The following KAT6A variants were observed in gnomAD, a reference collection of about 807,000 sequenced individuals.
KAT6A encodes lysine acetyltransferase 6A, also known as histone acetyltransferase KAT6A.
A neutral mutation model predicts 198.4 loss-of-function variants in KAT6A; 9 were observed. That is an observed-to-expected ratio of 0.05 (90% CI 0.03 to 0.08). KAT6A has a LOEUF of 0.08. Ranked by LOEUF, KAT6A falls within the 10% of genes least tolerant of loss-of-function variation. KAT6A has a pLI of 1.00. For synonymous variants in KAT6A, 890 were observed against 883.0 expected (o/e 1.01, Z -0.14); for missense variants, 2,077 against 2,509.9 (o/e 0.83, Z 3.69).
intron 5 of KAT6A, among the ~76,000 whole-genome samples, chr8:41,980,117 TAAG>T (rs1437316618): frequency 6.6e-6 from 1 of 152,210 alleles, no homozygotes; most frequent in East Asian, 1.9e-4. Flanking sequence ...GCATTTTACT[TAAG>T]AAGCCTATAA....
At chr8:42,034,477 T>C (rs984427612) in intron 2 of KAT6A, among the ~76,000 whole-genome samples, 2 of 152,184 alleles carry the variant, frequency 1.3e-5, no homozygotes, top group African/African-American at 4.8e-5. Flanking sequence ...AACTCATATA[T>C]ACTATATCGC....
chr8:42,023,844 AT>A (rs931887858), intron 2 of KAT6A, among the ~76,000 whole-genome samples: 1 of 149,508 alleles, frequency 6.7e-6, no homozygotes, highest in East Asian at 2.0e-4. Flanking sequence ...AAAAAAAAAA[AT>A]TTTCTTTTAC....
chr8:41,968,105 A>G (rs1823600915), intron 8 of KAT6A, among the ~76,000 whole-genome samples: 1 of 152,074 alleles, frequency 6.6e-6, no homozygotes. Flanking sequence ...AACGGCAACA[A>G]AAGCCAAAAT....
intron 9 of KAT6A, among the ~76,000 whole-genome samples, chr8:41,954,710 A>G (rs1822842638): frequency 6.6e-6 from 1 of 152,220 alleles, no homozygotes; most frequent in Non-Finnish European, 1.5e-5. Flanking sequence ...AAACTGAGGC[A>G]CAGAGCAGTT....
At position 42,048,819 on chromosome 8, in the gene KAT6A, C is replaced by T. The variant is rs772502053; in HGVS notation, c.159G>A (p.Leu53=). 4 of 1,614,144 alleles carry T rather than the reference C, an allele frequency of 2.5e-6. No homozygotes were observed. Among genetic ancestry groups the T allele is most frequent in the Non-Finnish European group, 3.4e-6 (4 of 1,179,988 alleles). The change falls in exon 2 of 17, where the codon TTG becomes TTA. Residue 53 remains leucine (L), a synonymous_variant. Coordinates refer to ENST00000265713, the MANE Select transcript of KAT6A (RefSeq NM_006766.5). ...DRKTVLEQLE[L]SVKDGTILKV... is the part of the protein sequence containing the mutation. ...TTAAAATTGTTCCATCTTTAACACTCAACTCCAATTGTTCTAAAACAGTTT... is the reference window on the plus strand; with the variant it reads ...TTAAAATTGTTCCATCTTTAACACTTAACTCCAATTGTTCTAAAACAGTTT...
intron 2 of KAT6A, among the ~76,000 whole-genome samples, chr8:41,991,631 T>C (rs950397810): frequency 6.6e-6 from 1 of 152,114 alleles, no homozygotes; most frequent in African/African-American, 2.4e-5. Flanking sequence ...TTTAAATTAA[T>C]CAAAAAATAT....
At chr8:41,979,231 G>A (rs938325733) in intron 5 of KAT6A, among the ~76,000 whole-genome samples, 2 of 152,172 alleles carry the variant, frequency 1.3e-5, no homozygotes, top group Non-Finnish European at 2.9e-5. Context: ...TTGCACCACT[G>A]CATTCCAGCC....
At chr8:41,968,098 G>A (rs1433240811) in intron 8 of KAT6A, among the ~76,000 whole-genome samples, 2 of 152,002 alleles carry the variant, frequency 1.3e-5, no homozygotes, top group Non-Finnish European at 2.9e-5. Context: ...CAAAAGCAAC[G>A]GCAACAAAAG....
intron 8 of KAT6A, among the ~76,000 whole-genome samples, chr8:41,962,887 T>G (rs1166568222): frequency 6.6e-6 from 1 of 152,202 alleles, no homozygotes; most frequent in African/African-American, 2.4e-5. Flanking sequence ...TTCCTGTTCC[T>G]ATGCCTGGAA....
chr8:41,949,466 A>T, intron 9 of KAT6A, 103 bp from the exon 10 acceptor site: 1 of 782,810 alleles, frequency 1.3e-6, no homozygotes, highest in Non-Finnish European at 1.8e-6. Context: ...CCCAGGTAAC[A>T]GGTTAAAAAA....
chr8:42,040,369 A>T (rs1587858585), intron 2 of KAT6A, among the ~76,000 whole-genome samples: 2 of 151,996 alleles, frequency 1.3e-5, no homozygotes, highest in African/African-American at 4.8e-5. Context: ...CCTTTATTTC[A>T]CCAATTGGAA....
chr8:42,006,373 A>G (rs1825747375), intron 2 of KAT6A, among the ~76,000 whole-genome samples: 1 of 152,174 alleles, frequency 6.6e-6, no homozygotes. Flanking sequence ...AGTCAGGCCT[A>G]TTTGCTTCTA....
intron 8 of KAT6A, among the ~76,000 whole-genome samples, chr8:41,966,204 T>C (rs564319055): frequency 6.6e-6 from 1 of 152,214 alleles, no homozygotes; most frequent in South Asian, 2.1e-4. Flanking sequence ...TGGCAGGTTC[T>C]TGGAATACAC....
At chr8:41,957,934 T>G (rs1227154073) in intron 8 of KAT6A, 2 of 152,454 alleles carry the variant, frequency 1.3e-5, no homozygotes, top group Non-Finnish European at 2.9e-5. Flanking sequence ...ATTTAACAAT[T>G]TCTGTAAACA....
At chr8:41,988,305 A>T (rs1241970320) in intron 2 of KAT6A, among the ~76,000 whole-genome samples, 1 of 152,242 alleles carries the variant, frequency 6.6e-6, no homozygotes, top group Non-Finnish European at 1.5e-5. Context: ...AAAATAAAAG[A>T]AAGAAGCTAG....
intron 2 of KAT6A, among the ~76,000 whole-genome samples, chr8:42,029,963 C>A (rs1827023210): frequency 1.3e-5 from 2 of 152,070 alleles, no homozygotes; most frequent in Non-Finnish European, 2.9e-5. Context: ...CCACTGGACT[C>A]TTTCTGGAGA....
At chr8:41,974,449 A>G (rs1423184772) in intron 8 of KAT6A, 1 of 292,010 alleles carries the variant, frequency 3.4e-6, no homozygotes, top group Non-Finnish European at 6.3e-6. Flanking sequence ...ATTCTTCTTC[A>G]TACAGTAAGA....
intron 10 of KAT6A, 89 bp downstream of exon 10, chr8:41,949,133 T>C (rs764217320): frequency 4.0e-5 from 32 of 808,294 alleles, no homozygotes; most frequent in East Asian, 1.0e-4. Context: ...ATACATAAAA[T>C]AGACAATAGA....
At chr8:41,997,651 G>C (rs770608060) in intron 2 of KAT6A, among the ~76,000 whole-genome samples, 1 of 152,068 alleles carries the variant, frequency 6.6e-6, no homozygotes, top group Non-Finnish European at 1.5e-5. Flanking sequence ...AGGTTACTCT[G>C]AGCATAAACC....
Sources: allele counts gnomAD v4.1 joint callset (sites outside exome capture counted in the v4.1 genomes callset), GRCh38; gene constraint gnomAD v4.1.1; transcripts MANE v1.5; gene names NCBI Gene and HGNC (gene_info 2026-07-23, HGNC 2026-07-21).